Variants in DLGAP1 observed in about 807,000 individuals in gnomAD.
The protein encoded by DLGAP1 is DLG associated protein 1.
In DLGAP1, 11 loss-of-function variants were observed where a neutral mutation model predicts 90.8. The observed-to-expected ratio is 0.12, with a 90% CI of 0.08 to 0.20. The LOEUF is 0.20. DLGAP1 is among the 10% of genes least tolerant of loss of function. The pLI is 1.00. For missense variants in DLGAP1, 1,050 were observed against 1,333.8 expected (o/e 0.79, Z 3.31); for synonymous variants, 558 against 540.7 (o/e 1.03, Z -0.44).
intron 5 of DLGAP1, among the ~76,000 whole-genome samples, chr18:3,805,102 T>G (rs1291451478): frequency 6.6e-6 from 1 of 152,212 alleles, no homozygotes; most frequent in Non-Finnish European, 1.5e-5. Context: ...TGGCCAAAAC[T>G]GATAATAATG....
chr18:3,982,621 C>T (rs1028425795), intron 3 of DLGAP1, among the ~76,000 whole-genome samples: 1 of 152,036 alleles, frequency 6.6e-6, no homozygotes, highest in Non-Finnish European at 1.5e-5. Flanking sequence ...ATCTACATGC[C>T]TGACACATGG....
chr18:3,684,962 T>A (rs1056914724), intron 7 of DLGAP1, among the ~76,000 whole-genome samples: 10 of 152,184 alleles, frequency 6.6e-5, no homozygotes, highest in African/African-American at 2.4e-4. Context: ...AAAACAGTAA[T>A]CCTGTATTGG....
rs1197961206 is a variant in DLGAP1 at position 3,597,371 on chromosome 18, C to T, written c.1592-15123G>A. ...GTAAACAGAATAAATAGTACTTGAG[C>T]ATCCCTGACTCTGAGACTGTGGGGT... On this transcript the variant is annotated intron_variant, in intron 7 of 12. Coordinates refer to ENST00000315677, the MANE Select transcript of DLGAP1 (RefSeq NM_004746.4). 17 of 392,848 alleles carry T rather than the reference C, an allele frequency of 4.3e-5. No homozygotes were observed. In the East Asian group the frequency reaches 1.1e-3, roughly 24 times the overall value. 24.3% of individuals were successfully genotyped at this position (392,848 alleles called of 1,614,324 possible).
At chr18:4,175,753 C>T (rs1000497975) in intron 1 of DLGAP1, among the ~76,000 whole-genome samples, 43 of 152,026 alleles carry the variant, frequency 2.8e-4, no homozygotes, top group African/African-American at 1.0e-3. Flanking sequence ...TTTCTGAGGC[C>T]TCTGTTCTGT....
At chr18:3,895,041 G>A (rs1456114944) in intron 3 of DLGAP1, among the ~76,000 whole-genome samples, 2 of 152,116 alleles carry the variant, frequency 1.3e-5, no homozygotes, top group African/African-American at 4.8e-5. Context: ...AGAGTGCAGT[G>A]CCATGTGGTA....
chr18:3,548,167 G>A (rs1167631680), intron 9 of DLGAP1, among the ~76,000 whole-genome samples: 1 of 152,142 alleles, frequency 6.6e-6, no homozygotes, highest in Non-Finnish European at 1.5e-5. Context: ...GAACTAAGTC[G>A]TGATGATGGT....
chr18:3,833,240 C>CCTTCCTTCCTTCCTTCCTT (rs1568210956), intron 4 of DLGAP1, among the ~76,000 whole-genome samples: 8 of 130,106 alleles, frequency 6.1e-5, no homozygotes, highest in Admixed American at 8.4e-5. Flanking sequence ...CTTCCTTCCT[C>CCTTCCTTCCTTCCTTCCTT]CTTGTTTTTT....
At chr18:3,889,930 T>G (rs1254837395) in intron 3 of DLGAP1, among the ~76,000 whole-genome samples, 1 of 152,162 alleles carries the variant, frequency 6.6e-6, no homozygotes, top group Non-Finnish European at 1.5e-5. Context: ...CCAGAGTCCA[T>G]GGAACCCCAG....
intron 2 of DLGAP1, among the ~76,000 whole-genome samples, chr18:4,007,516 C>A (rs182804496): frequency 6.6e-6 from 1 of 151,808 alleles, no homozygotes; most frequent in East Asian, 1.9e-4. Flanking sequence ...ATTAGCCGGG[C>A]GTGGTGGCTG....
chr18:4,379,943 A>G (rs2082083397), intron 1 of DLGAP1, among the ~76,000 whole-genome samples: 1 of 152,208 alleles, frequency 6.6e-6, no homozygotes, highest in African/African-American at 2.4e-5. Context: ...ACCAATATAC[A>G]TTACTTAGAT....
intron 3 of DLGAP1, 69 bp from the exon 4 acceptor site, chr18:3,880,209 G>T: frequency 1.3e-6 from 1 of 761,798 alleles, no homozygotes; most frequent in South Asian, 1.7e-5. Context: ...CACTTTACAG[G>T]GTCTTGCTCT....
intron 9 of DLGAP1, among the ~76,000 whole-genome samples, chr18:3,551,957 A>C (rs940003406): frequency 3.4e-5 from 5 of 144,958 alleles, no homozygotes; most frequent in Non-Finnish European, 5.9e-5. Flanking sequence ...TTATTTTTAA[A>C]TTGTTTTTTT....
At chr18:3,524,314 A>C (rs1286863348) in intron 10 of DLGAP1, among the ~76,000 whole-genome samples, 2 of 152,110 alleles carry the variant, frequency 1.3e-5, no homozygotes, top group Non-Finnish European at 2.9e-5. Context: ...TGGTATATAT[A>C]TACCACATAT....
chr18:3,768,632 A>G (rs1425753286), intron 5 of DLGAP1, among the ~76,000 whole-genome samples: 2 of 152,176 alleles, frequency 1.3e-5, no homozygotes, highest in Non-Finnish European at 2.9e-5. Flanking sequence ...AGAATCAAGA[A>G]AGCCCAAAAC....
intron 5 of DLGAP1, among the ~76,000 whole-genome samples, chr18:3,802,078 A>G (rs989578998): frequency 6.6e-6 from 1 of 152,004 alleles, no homozygotes; most frequent in East Asian, 1.9e-4. Flanking sequence ...TCTGCCTCCC[A>G]GGTTCAAGTG....
At chr18:3,544,571 A>G (rs2052899855) in intron 9 of DLGAP1, among the ~76,000 whole-genome samples, 1 of 151,912 alleles carries the variant, frequency 6.6e-6, no homozygotes, top group Non-Finnish European at 1.5e-5. Flanking sequence ...TATTTTAGCT[A>G]TTGATTTCTA....
chr18:3,537,985 T>C (rs2052471070), intron 9 of DLGAP1, among the ~76,000 whole-genome samples: 1 of 152,202 alleles, frequency 6.6e-6, no homozygotes, highest in African/African-American at 2.4e-5. Context: ...CACCAGATTA[T>C]GTGGGATTTT....
chr18:3,852,161 T>TA (rs1283841063), intron 4 of DLGAP1, among the ~76,000 whole-genome samples: 1 of 151,952 alleles, frequency 6.6e-6, no homozygotes. Flanking sequence ...TTTTCTAAAA[T>TA]AAAAAAGCCT....
chr18:4,014,505 T>A (rs2074487293), intron 2 of DLGAP1, among the ~76,000 whole-genome samples: 1 of 152,148 alleles, frequency 6.6e-6, no homozygotes, highest in Non-Finnish European at 1.5e-5. Flanking sequence ...AAATTACAGT[T>A]AACAAAAATT....
Sources: gnomAD v4.1 joint callset for allele counts (sites outside exome capture counted in the v4.1 genomes callset) on GRCh38, gnomAD v4.1.1 for gene constraint, MANE v1.5 for transcripts, NCBI Gene and HGNC (gene_info 2026-07-23, HGNC 2026-07-21) for gene names.